CDH11: variants seen among roughly 807,000 people sequenced by gnomAD.
CDH11 encodes the protein cadherin 11, also known as cadherin-11.
A neutral mutation model predicts 67.8 loss-of-function variants in CDH11; 11 were observed. That is an observed-to-expected ratio of 0.16 (90% confidence interval 0.10 to 0.27). The LOEUF is 0.27. CDH11 is among the 10% of genes least tolerant of loss of function. CDH11 has a pLI of 1.00. For synonymous variants in CDH11, 419 were observed against 400.0 expected (o/e 1.05, Z -0.57); for missense variants, 847 against 1,031.2 (o/e 0.82, Z 2.45).
At chr16:65,009,408 A>G (rs1224368896) in intron 2 of CDH11, among the ~76,000 whole-genome samples, 1 of 152,184 alleles carries the variant, frequency 6.6e-6, no homozygotes, top group African/African-American at 2.4e-5. Flanking sequence ...TATTTTAAAT[A>G]CCTGTTTCAG....
At chr16:65,002,734 G>T (rs1373267667) in intron 3 of CDH11, among the ~76,000 whole-genome samples, 1 of 152,062 alleles carries the variant, frequency 6.6e-6, no homozygotes, top group East Asian at 1.9e-4. Context: ...AATCAGTAGG[G>T]TTCAGAAACC....
chr16:65,087,298 T>C (rs2074717631), intron 1 of CDH11, among the ~76,000 whole-genome samples: 1 of 152,212 alleles, frequency 6.6e-6, no homozygotes, highest in Non-Finnish European at 1.5e-5. Context: ...TTATGAAGTG[T>C]CAGCTACCAC....
chr16:65,011,716 C>T (rs372021046), intron 2 of CDH11, among the ~76,000 whole-genome samples: 7 of 152,202 alleles, frequency 4.6e-5, no homozygotes, highest in South Asian at 4.1e-4. Context: ...AAGGAAATAA[C>T]GCTATCTGCA....
Position 64,946,905 on chromosome 16 carries a change from G to C in CDH11, c.*698C>G. The C allele has an allele frequency of 1.2e-6, 1 of 801,594 alleles. No homozygotes were observed. Among genetic ancestry groups the C allele is most frequent in the Non-Finnish European group, 1.5e-6 (1 of 651,010 alleles). 49.7% of individuals were successfully genotyped at this position (801,594 alleles called of 1,614,324 possible). On this transcript the variant is annotated 3_prime_UTR_variant, in exon 13 of 13. Coordinates refer to ENST00000268603, the MANE Select transcript of CDH11 (RefSeq NM_001797.4). ...ACATTTTCTTACATGTCAGAATACT[G>C]ATATTTATACGTATACTAAAATAAG... is the stretch of plus-strand genomic sequence containing the variant.
intron 3 of CDH11, 53 bp from the exon 4 acceptor site, chr16:64,998,909 A>G: frequency 6.7e-7 from 1 of 1,481,660 alleles, no homozygotes; most frequent in Non-Finnish European, 9.4e-7. Flanking sequence ...GCAGTGGGGA[A>G]ACTCACTTAC....
chr16:65,046,095 G>A (rs1033546694), intron 2 of CDH11, among the ~76,000 whole-genome samples: 2 of 152,258 alleles, frequency 1.3e-5, no homozygotes, highest in African/African-American at 2.4e-5. Flanking sequence ...TCCATGTAAC[G>A]CAGGGAGGAA....
At chr16:65,035,236 C>G (rs2073729783) in intron 2 of CDH11, among the ~76,000 whole-genome samples, 1 of 152,226 alleles carries the variant, frequency 6.6e-6, no homozygotes, top group Non-Finnish European at 1.5e-5. Context: ...AGGGAGTGTG[C>G]CCAGGGCTTG....
intron 9 of CDH11, 89 bp downstream of exon 9, chr16:64,972,815 C>T: frequency 7.3e-7 from 1 of 1,375,830 alleles, no homozygotes; most frequent in Non-Finnish European, 1.0e-6. Flanking sequence ...AAAAGTTAGT[C>T]TATCTCAGCT....
At chr16:65,053,135 T>G (rs2074085444) in intron 2 of CDH11, among the ~76,000 whole-genome samples, 2 of 152,218 alleles carry the variant, frequency 1.3e-5, no homozygotes, top group African/African-American at 2.4e-5. Flanking sequence ...ATTCTTAAAT[T>G]TCTATCTGGA....
intron 1 of CDH11, among the ~76,000 whole-genome samples, chr16:65,106,522 T>C (rs2075069280): frequency 1.3e-5 from 2 of 152,168 alleles, no homozygotes; most frequent in Non-Finnish European, 2.9e-5. Flanking sequence ...CTCTTATAAA[T>C]CTTGTTTCTT....
intron 1 of CDH11, among the ~76,000 whole-genome samples, chr16:65,088,716 A>G (rs948393346): frequency 2.6e-5 from 4 of 152,156 alleles, no homozygotes; most frequent in African/African-American, 9.7e-5. Context: ...AATCACCTGG[A>G]TGAACACATT....
chr16:65,067,418 C>T (rs574915357), intron 1 of CDH11, among the ~76,000 whole-genome samples: 7 of 152,210 alleles, frequency 4.6e-5, no homozygotes, highest in African/African-American at 1.2e-4. Flanking sequence ...AAAATAGTAG[C>T]GAAGTATGCT....
chr16:65,063,559 T>G (rs971745437), intron 1 of CDH11, among the ~76,000 whole-genome samples: 2 of 152,204 alleles, frequency 1.3e-5, no homozygotes, highest in Non-Finnish European at 2.9e-5. Context: ...TACCTACACT[T>G]GATCTTAGCC....
chr16:65,103,506 T>C (rs180992618), intron 1 of CDH11, among the ~76,000 whole-genome samples: 3 of 152,350 alleles, frequency 2.0e-5, no homozygotes, highest in African/African-American at 7.2e-5. Flanking sequence ...CTAGCTTATA[T>C]GATGGCAAGC....
chr16:65,104,970 C>A (rs2075044814), intron 1 of CDH11, among the ~76,000 whole-genome samples: 1 of 152,036 alleles, frequency 6.6e-6, no homozygotes, highest in Non-Finnish European at 1.5e-5. Flanking sequence ...AAATATAAAG[C>A]CAAAAGAATT....
intron 2 of CDH11, among the ~76,000 whole-genome samples, chr16:65,037,381 T>C (rs1171441584): frequency 6.6e-6 from 1 of 152,078 alleles, no homozygotes; most frequent in Admixed American, 6.5e-5. Flanking sequence ...ACTCCATCAG[T>C]CACTGTGAAC....
chr16:65,052,951 G>A (rs1271892678), intron 2 of CDH11, among the ~76,000 whole-genome samples: 1 of 152,082 alleles, frequency 6.6e-6, no homozygotes, highest in Non-Finnish European at 1.5e-5. Context: ...TTCCGTCCAT[G>A]TTTCTATTCT....
At chr16:65,112,518 C>T (rs992807159) in intron 1 of CDH11, among the ~76,000 whole-genome samples, 2 of 152,180 alleles carry the variant, frequency 1.3e-5, no homozygotes, top group Non-Finnish European at 2.9e-5. Flanking sequence ...ATTCTCTGTG[C>T]TGTTAATATT....
chr16:65,067,201 A>G (rs2074327022), intron 1 of CDH11, among the ~76,000 whole-genome samples: 1 of 152,180 alleles, frequency 6.6e-6, no homozygotes, highest in Non-Finnish European at 1.5e-5. Context: ...AACAGGAAAA[A>G]AAAAAAAAGA....
Sources: gnomAD v4.1 joint callset for allele counts (sites outside exome capture counted in the v4.1 genomes callset) on GRCh38, gnomAD v4.1.1 for gene constraint, MANE v1.5 for transcripts, NCBI Gene and HGNC (gene_info 2026-07-23, HGNC 2026-07-21) for gene names.